Variants in DNAAF5 observed in about 807,000 individuals in gnomAD.
DNAAF5 encodes the protein HEAT repeat containing 2.
In DNAAF5, 64 loss-of-function variants were observed where a neutral mutation model predicts 75.8. That is an observed-to-expected ratio of 0.84 (90% CI 0.69 to 1.04). The LOEUF (loss-of-function observed/expected upper bound fraction) is 1.04, where lower values mean the gene tolerates loss of function less well. Among genes scored for constraint, DNAAF5 ranks in the 50% least tolerant of loss-of-function variants. The probability of loss-of-function intolerance (pLI) is 0.00; values close to 1 mark genes in which losing one functional copy is unlikely to be tolerated. For missense variants in DNAAF5, 1,269 were observed against 1,178.5 expected (o/e 1.08, Z -1.12); for synonymous variants, 657 against 557.2 (o/e 1.18, Z -2.52).
At chr7:737,056 A>G (rs1164548231) in intron 2 of DNAAF5, among the ~76,000 whole-genome samples, 1 of 151,894 alleles carries the variant, frequency 6.6e-6, no homozygotes, top group African/African-American at 2.4e-5. Context: ...TTGTCTTGAA[A>G]AGTCATTGTA....
chr7:741,325 T>TTGTC, intron 3 of DNAAF5, 22 bp from the exon 4 acceptor site: 1 of 1,564,064 alleles, frequency 6.4e-7, no homozygotes, highest in Non-Finnish European at 8.7e-7. Flanking sequence ...TGAGCCACTG[T>TTGTC]TGTCTGTCTG....
At chr7:728,441 C>T (rs1161288849) in intron 1 of DNAAF5, among the ~76,000 whole-genome samples, 2 of 152,102 alleles carry the variant, frequency 1.3e-5, no homozygotes, top group East Asian at 3.8e-4. Flanking sequence ...ACTGCAGCTG[C>T]GTGGAGAATA....
rs1782430981 is a variant in DNAAF5, at chr7:754,785, G to A, written c.1221G>A (p.Gln407=). The change falls in exon 5 of 13, where the codon CAG becomes CAA. Residue 407 remains glutamine (Q), a synonymous_variant. Transcript: ENST00000297440. The surrounding 1 kb of genome is among the most constrained non-coding windows in gnomAD (Gnocchi z 4.8). The part of the protein sequence containing the change: ...HLEVVLRTLF[Q]ACTDEEAAVV... ...AGGTCGTCCTCCGGACCCTGTTCCA[G>A]GCCTGCACCGACGAGGAGGCAGCCG... 1 of 1,609,676 alleles carries A rather than the reference G, an allele frequency of 6.2e-7. No homozygotes were observed. Among genetic ancestry groups the A allele is most frequent in the Non-Finnish European group, 8.5e-7 (1 of 1,177,188 alleles).
At chr7:729,279 G>C (rs765115122) in intron 1 of DNAAF5, among the ~76,000 whole-genome samples, 1 of 152,268 alleles carries the variant, frequency 6.6e-6, no homozygotes, top group South Asian at 2.1e-4. Context: ...GTGTGGCCTC[G>C]CCTCTGTCTT....
intron 2 of DNAAF5, among the ~76,000 whole-genome samples, chr7:734,704 G>A (rs952734693): frequency 6.6e-6 from 1 of 152,134 alleles, no homozygotes; most frequent in Non-Finnish European, 1.5e-5. Flanking sequence ...TTGCGACCCG[G>A]GCTTTTCTTT....
At chr7:745,255 C>G (rs539450052) in intron 4 of DNAAF5, among the ~76,000 whole-genome samples, 1 of 152,178 alleles carries the variant, frequency 6.6e-6, no homozygotes. Context: ...AGTGGAAGAC[C>G]CTTCAGGTGT....
chr7:756,698 C>A (rs931143076), intron 5 of DNAAF5, 84 bp from the exon 6 acceptor site: 21 of 1,268,704 alleles, frequency 1.7e-5, no homozygotes, highest in Non-Finnish European at 2.4e-5. Flanking sequence ...ACGGCTGTGT[C>A]TGGGAGGCCA....
intron 12 of DNAAF5, 72 bp downstream of exon 12, chr7:780,216 G>A (rs1412912591): frequency 1.4e-6 from 2 of 1,451,008 alleles, no homozygotes; most frequent in African/African-American, 1.4e-5. Flanking sequence ...CTGTAGCTGA[G>A]CCGTGTGACC....
In DNAAF5 at chr7:726,778, G is replaced by A. The variant is rs943370779; in HGVS notation, c.58G>A (p.Glu20Lys). 1 of 1,270,630 alleles carries A rather than the reference G, an allele frequency of 7.9e-7. No individual in the cohort carries two copies. Among genetic ancestry groups the A allele is most frequent in the Non-Finnish European group, 9.9e-7 (1 of 1,010,168 alleles). 78.7% of individuals were successfully genotyped at this position (1,270,630 alleles called of 1,614,324 possible). The change falls in exon 1 of 13, where the codon GAG becomes AAG. Residue 20 changes from glutamate (E) to lysine (K), a missense_variant. Transcript: ENST00000297440. ...VAAPHPAEGA[E>K]TAEAVELSRA... ...GGCCCCACACCCGGCTGAGGGGGCC[G>A]AGACGGCTGAGGCGGTGGAGCTGAG...
Position 727,117 on chromosome 7 carries a change from C to T in DNAAF5, c.397C>T (p.Arg133Cys). 2.7e-6 allele frequency: 3 copies of T among 1,129,230 alleles called. No homozygotes were observed. The highest frequency in any genetic ancestry group is 3.2e-6 in the Non-Finnish European group (3 of 925,014). 70.0% of individuals were successfully genotyped at this position (1,129,230 alleles called of 1,614,324 possible). A position where few individuals can be genotyped will look rare whatever the true frequency, so the allele number is the denominator to read the frequency against. The change falls in exon 1 of 13, where the codon CGC becomes TGC. Residue 133 changes from arginine to cysteine, a missense_variant. Arg to Cys is a radical substitution (Grantham distance 180). Coordinates refer to ENST00000297440, the MANE Select transcript of DNAAF5 (RefSeq NM_017802.4). ...CTTGGCCGGCCCCGTGCCCGCGCGC[C>T]GCCCGCCCGAGGCCTGTGAGGAGCT... ...ARLAGPVPAR[R>C]PPEACEELRL... is the part of the protein sequence containing the mutation.
intron 2 of DNAAF5, among the ~76,000 whole-genome samples, chr7:739,025 G>A (rs913894595): frequency 4.6e-5 from 7 of 152,102 alleles, no homozygotes; most frequent in Non-Finnish European, 7.4e-5. Flanking sequence ...CCCATCTCCC[G>A]GAGAGGGCCC....
chr7:769,786 C>T (rs1422175683), intron 8 of DNAAF5, among the ~76,000 whole-genome samples: 1 of 151,904 alleles, frequency 6.6e-6, no homozygotes, highest in Non-Finnish European at 1.5e-5. Flanking sequence ...ATTACAGGCG[C>T]CCACCACCAC....
chr7:739,841 C>A (rs1781851029), intron 2 of DNAAF5, among the ~76,000 whole-genome samples: 1 of 152,138 alleles, frequency 6.6e-6, no homozygotes, highest in Non-Finnish European at 1.5e-5. Context: ...CGGAGCAGCC[C>A]CTCCTCCGAG....
At chr7:730,486 CCTCTTCA>C (rs978967529) in intron 2 of DNAAF5, among the ~76,000 whole-genome samples, 5 of 152,188 alleles carry the variant, frequency 3.3e-5, no homozygotes, top group Non-Finnish European at 7.3e-5. Context: ...TTGTGTCTGG[CCTCTTCA>C]CTGTGCATGG....
At chr7:762,797 A>G (rs573150908) in intron 7 of DNAAF5, among the ~76,000 whole-genome samples, 4 of 152,170 alleles carry the variant, frequency 2.6e-5, no homozygotes, top group African/African-American at 9.6e-5. Flanking sequence ...TATTTTTAGT[A>G]GAGACAAGGT....
rs140329469 is a variant in DNAAF5, at chr7:763,969, A to G, written c.1778A>G (p.Gln593Arg). 1.2e-6 allele frequency: 2 copies of G among 1,602,910 alleles called. No individual in the cohort carries two copies. The highest frequency in any genetic ancestry group is 2.7e-5 in the African/African-American group (2 of 74,944). Residue 593 changes from glutamine (Q) to arginine (R), a missense_variant, in exon 8 of 13, where the codon CAG becomes CGG. By Grantham distance (43) the Gln-to-Arg change is conservative (BLOSUM62 1). Transcript: ENST00000297440. ...ELLQFSVIVA[Q>R]SGPALGEALP... ...CTGCAGTTCAGTGTCATCGTCGCAC[A>G]GTCAGGTGAGCCGTCCCGACAGCTG...
intron 8 of DNAAF5, among the ~76,000 whole-genome samples, chr7:767,522 GA>G (rs1778351148): frequency 6.6e-6 from 1 of 152,184 alleles, no homozygotes; most frequent in Non-Finnish European, 1.5e-5. Flanking sequence ...TACCTCATAC[GA>G]AGTTAAATAC....
intron 6 of DNAAF5, among the ~76,000 whole-genome samples, chr7:761,267 C>T (rs1384048094): frequency 1.3e-5 from 2 of 152,244 alleles, no homozygotes; most frequent in Non-Finnish European, 2.9e-5. Context: ...GCTCTCCCTG[C>T]AAGGGCTCTC....
At chr7:730,337 T>C (rs1334982138) in intron 2 of DNAAF5, among the ~76,000 whole-genome samples, 1 of 152,116 alleles carries the variant, frequency 6.6e-6, no homozygotes, top group South Asian at 2.1e-4. Flanking sequence ...TGGCAGAATC[T>C]GGCCTGGAGG....
Sources: allele counts gnomAD v4.1 joint callset (sites outside exome capture counted in the v4.1 genomes callset), GRCh38; gene constraint gnomAD v4.1.1; non-coding constraint Gnocchi (gnomAD v3.1); transcripts MANE v1.5; gene names NCBI Gene and HGNC (gene_info 2026-07-23, HGNC 2026-07-21).